GAB2: variants seen among roughly 807,000 people sequenced by gnomAD.
GAB2 encodes GRB2 associated binding protein 2, also known as GRB2-associated-binding protein 2.
A neutral mutation model predicts 65.5 loss-of-function variants in GAB2; 26 were observed. The ratio of observed to expected loss-of-function variants is 0.40; its 90% CI spans 0.29 to 0.55. GAB2 has a LOEUF of 0.55. Ranked by LOEUF, GAB2 falls within the 20% of genes least tolerant of loss-of-function variation. The probability of loss-of-function intolerance (pLI) is 0.53; values close to 1 mark genes in which losing one functional copy is unlikely to be tolerated. For synonymous variants in GAB2, 321 were observed against 329.6 expected (o/e 0.97, Z 0.28); for missense variants, 884 against 875.8 (o/e 1.01, Z -0.12).
chr11:78,366,845 A>T (rs1035073989), intron 1 of GAB2, among the ~76,000 whole-genome samples: 2 of 151,362 alleles, frequency 1.3e-5, no homozygotes, highest in African/African-American at 2.4e-5. Context: ...TTGCTTCTCA[A>T]ATGATCCTCC....
At chr11:78,323,308 G>A (rs535301639) in intron 1 of GAB2, among the ~76,000 whole-genome samples, 6 of 152,026 alleles carry the variant, frequency 3.9e-5, no homozygotes, top group African/African-American at 1.4e-4. Flanking sequence ...TCAGGAGTTC[G>A]AGACCAGCCT....
chr11:78,387,851 A>T (rs898988755), intron 1 of GAB2, among the ~76,000 whole-genome samples: 2 of 152,222 alleles, frequency 1.3e-5, no homozygotes, highest in Admixed American at 6.5e-5. Flanking sequence ...GCTTGGGGTC[A>T]AAATGTGGTT....
At chr11:78,303,651 G>C (rs535464073) in intron 1 of GAB2, among the ~76,000 whole-genome samples, 1 of 152,096 alleles carries the variant, frequency 6.6e-6, no homozygotes, top group African/African-American at 2.4e-5. Context: ...TTGGTCCTTT[G>C]CATTTCCATA....
chr11:78,356,984 G>T (rs1856367866), intron 1 of GAB2, among the ~76,000 whole-genome samples: 1 of 152,202 alleles, frequency 6.6e-6, no homozygotes, highest in Non-Finnish European at 1.5e-5. Context: ...GGTTGCCAGG[G>T]ATTAGGGGTT....
At chr11:78,318,046 G>T (rs181340170) in intron 1 of GAB2, 31 of 152,186 alleles carry the variant, frequency 2.0e-4, no homozygotes, top group African/African-American at 7.2e-4. Context: ...TATACAAAAG[G>T]AAGATAATTC....
chr11:78,221,670 G>C lies in GAB2; in HGVS notation c.1761+7C>G, dbSNP rs760207545. 6.3e-7 allele frequency: 1 copy of C among 1,583,136 alleles called. No homozygotes were observed. Among genetic ancestry groups the C allele is most frequent in the Non-Finnish European group, 8.7e-7 (1 of 1,153,576 alleles). On this transcript the variant is annotated splice_region_variant and intron_variant, in intron 8 of 9. Transcript: ENST00000361507. ...GGCGTCATTCCAGCGAAGCCCGAAG[G>C]ACTCACCATAGGGACATAGTTCTCT...
At chr11:78,288,058 C>T (rs776630212) in intron 1 of GAB2, among the ~76,000 whole-genome samples, 4 of 151,856 alleles carry the variant, frequency 2.6e-5, no homozygotes, top group Non-Finnish European at 5.9e-5. Flanking sequence ...AAAATGGTCC[C>T]TGTTTGCAGA....
intron 1 of GAB2, among the ~76,000 whole-genome samples, chr11:78,379,313 T>TA (rs1336399826): frequency 1.3e-5 from 2 of 152,246 alleles, no homozygotes; most frequent in Non-Finnish European, 2.9e-5. Context: ...GCAAGATTAT[T>TA]AAAAGATCTC....
chr11:78,277,109 G>T (rs1319608408), intron 2 of GAB2, among the ~76,000 whole-genome samples: 1 of 152,166 alleles, frequency 6.6e-6, no homozygotes, highest in Non-Finnish European at 1.5e-5. Flanking sequence ...GAGCCATCAT[G>T]CCCAGCCTAA....
rs113823389 is a variant in GAB2 at position 78,370,725 on chromosome 11, A to ATGTG, written c.75+46917_75+46920dup. Among the ~76,000 whole-genome samples, 1,312 of 148,892 alleles carry ATGTG rather than the reference A, an allele frequency of 8.8e-3. 15 individuals carry two copies. The highest frequency in any genetic ancestry group is 0.029 in the African/African-American group (1,186 of 40,328). Reference sequence around the variant, plus strand: ...TATGTGTGTGTGCGTGTGTGTGTGTATGTGTGTGTGTGTGTGTGTGTAAGG... The same window carrying ATGTG: ...TATGTGTGTGTGCGTGTGTGTGTGTATGTGTGTGTGTGTGTGTGTGTGTGTAAGG... On this transcript the variant is annotated intron_variant, in intron 1 of 9. Coordinates refer to ENST00000361507, the MANE Select transcript of GAB2 (RefSeq NM_080491.3).
chr11:78,348,847 A>C (rs1856230852), intron 1 of GAB2, among the ~76,000 whole-genome samples: 1 of 152,262 alleles, frequency 6.6e-6, no homozygotes, highest in Admixed American at 6.5e-5. Flanking sequence ...TGGTATATCC[A>C]CACAATGGAA....
chr11:78,263,958 G>A (rs1300325683), intron 2 of GAB2, among the ~76,000 whole-genome samples: 3 of 150,902 alleles, frequency 2.0e-5, no homozygotes, highest in Admixed American at 6.6e-5. Flanking sequence ...CATAACTTCT[G>A]GGTATATTTT....
chr11:78,224,195 T>C (rs1864553333), intron 5 of GAB2, among the ~76,000 whole-genome samples: 1 of 152,150 alleles, frequency 6.6e-6, no homozygotes, highest in African/African-American at 2.4e-5. Context: ...TTTTGATAAA[T>C]CTAGAGTATA....
intron 1 of GAB2, among the ~76,000 whole-genome samples, chr11:78,294,375 T>C (rs1024754136): frequency 1.3e-5 from 2 of 152,248 alleles, no homozygotes; most frequent in Non-Finnish European, 1.5e-5. Context: ...GCAATAAACA[T>C]ACAGGTGCAT....
intron 2 of GAB2, among the ~76,000 whole-genome samples, chr11:78,255,053 A>G (rs2510037): frequency 0.27 from 40,614 of 151,896 alleles, 6,491 homozygotes; most frequent in African/African-American, 0.44. Flanking sequence ...GTTAAGAGGA[A>G]GTCATACTGG....
intron 1 of GAB2, among the ~76,000 whole-genome samples, chr11:78,327,000 C>T (rs917234775): frequency 6.6e-6 from 1 of 152,150 alleles, no homozygotes; most frequent in Non-Finnish European, 1.5e-5. Flanking sequence ...GAGCAAAGAT[C>T]CCATTTATGC....
intron 1 of GAB2, among the ~76,000 whole-genome samples, chr11:78,396,512 AT>A (rs921172552): frequency 2.6e-5 from 4 of 152,244 alleles, no homozygotes; most frequent in Non-Finnish European, 5.9e-5. Flanking sequence ...GTACAAATAT[AT>A]GTTTAAAGTG....
At chr11:78,402,250 T>C (rs1856982868) in intron 1 of GAB2, among the ~76,000 whole-genome samples, 1 of 152,170 alleles carries the variant, frequency 6.6e-6, no homozygotes, top group Non-Finnish European at 1.5e-5. Context: ...AACCTTCTTC[T>C]CTTGGATTAC....
chr11:78,381,600 C>T (rs1856698395), intron 1 of GAB2, among the ~76,000 whole-genome samples: 2 of 152,068 alleles, frequency 1.3e-5, no homozygotes, highest in Admixed American at 1.3e-4. Flanking sequence ...CCCTAGAAGC[C>T]TGTTTCTCCC....
Sources: allele counts gnomAD v4.1 joint callset (sites outside exome capture counted in the v4.1 genomes callset), GRCh38; gene constraint gnomAD v4.1.1; transcripts MANE v1.5; gene names NCBI Gene and HGNC (gene_info 2026-07-23, HGNC 2026-07-21).